The following ZNF410 variants were observed in gnomAD, a reference collection of about 807,000 sequenced individuals.
ZNF410 encodes the protein zinc finger protein 410, also known as another partner for ARF 1.
In ZNF410, 18 loss-of-function variants were observed where a neutral mutation model predicts 54.8. That is an observed-to-expected ratio of 0.33 (90% CI 0.23 to 0.49). The LOEUF is 0.49. Among genes scored for constraint, ZNF410 ranks in the 20% least tolerant of loss-of-function variants. The pLI, the probability that ZNF410 is intolerant of heterozygous loss-of-function variation, is 0.99. For synonymous variants in ZNF410, 191 were observed against 207.3 expected (o/e 0.92, Z 0.68); for missense variants, 405 against 569.6 (o/e 0.71, Z 2.94).
At chr14:73,930,961 G>A (rs186798929) in intron 11 of ZNF410, among the ~76,000 whole-genome samples, 2 of 152,266 alleles carry the variant, frequency 1.3e-5, no homozygotes, top group African/African-American at 4.8e-5. Context: ...CCTTTGAATA[G>A]AGCCTTGTGT....
rs1206064406 is a variant in ZNF410 at position 73,897,994 on chromosome 14, A to G, written c.389-77A>G. 9 of 979,134 alleles carry G rather than the reference A, an allele frequency of 9.2e-6. No individual in the cohort carries two copies. The South Asian group carries it at 1.2e-4, about 13-fold the overall frequency. 60.7% of individuals were successfully genotyped at this position (979,134 alleles called of 1,614,324 possible). A position where few individuals can be genotyped will look rare whatever the true frequency, so the allele number is the denominator to read the frequency against. On this transcript the variant is annotated intron_variant, in intron 4 of 11. Coordinates refer to ENST00000555044, the MANE Select transcript of ZNF410 (RefSeq NM_021188.3). The stretch of plus-strand genomic sequence containing the variant: ...CTCAAAAAAAAAAAAAAAAAAAGGG[A>G]CATGGAGAGTCTCTGAGCCAGGGCA...
At chr14:73,909,641 T>G in intron 8 of ZNF410, 6 of 464,598 alleles carry the variant, frequency 1.3e-5, no homozygotes, top group East Asian at 3.6e-5. Flanking sequence ...TTTTCAGCTG[T>G]GTTTCTAATA....
At chr14:73,912,840 C>A (rs1200888395) in intron 8 of ZNF410, among the ~76,000 whole-genome samples, 1 of 150,298 alleles carries the variant, frequency 6.7e-6, no homozygotes, top group East Asian at 1.9e-4. Flanking sequence ...GATCTTGCAA[C>A]CTTGGTAAAT....
At chr14:73,929,495 A>G (rs1331925551) in intron 11 of ZNF410, among the ~76,000 whole-genome samples, 3 of 152,154 alleles carry the variant, frequency 2.0e-5, no homozygotes, top group Non-Finnish European at 4.4e-5. Flanking sequence ...TCCTGTAAAT[A>G]TGCTCTAAAA....
At chr14:73,912,801 T>C (rs1157959231) in intron 8 of ZNF410, among the ~76,000 whole-genome samples, 2 of 152,230 alleles carry the variant, frequency 1.3e-5, no homozygotes, top group Non-Finnish European at 2.9e-5. Flanking sequence ...ATTGGTAGTA[T>C]ATAGAAATAC....
At chr14:73,889,348 AT>A (rs1315829271) in intron 1 of ZNF410, among the ~76,000 whole-genome samples, 1 of 144,692 alleles carries the variant, frequency 6.9e-6, no homozygotes, top group Non-Finnish European at 1.5e-5. Context: ...TAATTGAAAA[AT>A]TTTTTTTTGT....
rs544602291 is a variant in ZNF410 at position 73,893,588 on chromosome 14, G to T, written c.34-209G>T. Reference sequence around the variant, plus strand: ...CTATATGTGGTCTGTTAACTGAAATGTCGTTTTGCAGCACATGACTTTATA... The same window carrying T: ...CTATATGTGGTCTGTTAACTGAAATTTCGTTTTGCAGCACATGACTTTATA... On this transcript the variant is annotated intron_variant, in intron 2 of 11. Coordinates refer to ENST00000555044, the MANE Select transcript of ZNF410 (RefSeq NM_021188.3). 4.2e-5 allele frequency: 20 copies of T among 472,922 alleles called. 1 individual carries two copies. The East Asian group carries it at 4.2e-4, about 10-fold the overall frequency. The allele number at this position is 472,922 out of a possible 1,614,324, so 29.3% of individuals were successfully genotyped here. A position where few individuals can be genotyped will look rare whatever the true frequency, so the allele number is the denominator to read the frequency against.
At chr14:73,926,852 T>G (rs1056487588) in intron 11 of ZNF410, among the ~76,000 whole-genome samples, 17 of 152,198 alleles carry the variant, frequency 1.1e-4, no homozygotes, top group African/African-American at 3.9e-4. Context: ...GTAGTTACAT[T>G]TAGAGGTTTG....
chr14:73,917,267 A>C (rs2055681568), intron 8 of ZNF410, among the ~76,000 whole-genome samples: 1 of 152,184 alleles, frequency 6.6e-6, no homozygotes, highest in African/African-American at 2.4e-5. Context: ...TCTTAGAATA[A>C]TACTATGTTT....
At position 73,898,271 on chromosome 14, in the gene ZNF410, C is replaced by G; in HGVS notation, c.580+9C>G. ...AAAAACCAGCAGCAATGGTGAGGCC[C>G]GTCGGCATTTTCCTTGCCACTATTC... On this transcript the variant is annotated intron_variant, in intron 5 of 11. Transcript: ENST00000555044. 1 of 1,613,874 alleles carries G rather than the reference C, an allele frequency of 6.2e-7. No homozygotes were observed.
chr14:73,921,691 G>A (rs2055757048), intron 9 of ZNF410, among the ~76,000 whole-genome samples: 1 of 152,020 alleles, frequency 6.6e-6, no homozygotes, highest in Non-Finnish European at 1.5e-5. Flanking sequence ...TGGCCAGGCT[G>A]GAAGCATATT....
intron 8 of ZNF410, 61 bp from the exon 9 acceptor site, chr14:73,920,919 T>G: frequency 6.2e-7 from 1 of 1,604,078 alleles, no homozygotes; most frequent in Non-Finnish European, 8.5e-7. Context: ...TCCATCTAGG[T>G]CTTGAGTTCA....
chr14:73,912,010 A>G (rs2055587446), intron 8 of ZNF410, among the ~76,000 whole-genome samples: 1 of 152,092 alleles, frequency 6.6e-6, no homozygotes, highest in South Asian at 2.1e-4. Context: ...AAAAGCTTCA[A>G]AGTTTGGAAG....
In ZNF410 at chr14:73,900,263, G is replaced by T. The variant is rs115405888; in HGVS notation, c.580+2001G>T. 4.4e-3 allele frequency among the ~76,000 whole-genome samples: 659 copies of T among 150,918 alleles called. 6 individuals carry two copies. Among genetic ancestry groups the T allele is most frequent in the African/African-American group, 0.016 (638 of 41,050 alleles). On this transcript the variant is annotated intron_variant, in intron 5 of 11. Transcript: ENST00000555044. Reference sequence around the variant, plus strand: ...TTTCCAACAAGATAATACCCTAAAAGCCTTTTATTTTTTTCTAACTTAGTT... The same window carrying T: ...TTTCCAACAAGATAATACCCTAAAATCCTTTTATTTTTTTCTAACTTAGTT...
At chr14:73,929,365 G>A (rs2055878217) in intron 11 of ZNF410, among the ~76,000 whole-genome samples, 1 of 151,996 alleles carries the variant, frequency 6.6e-6, no homozygotes, top group Admixed American at 6.6e-5. Flanking sequence ...GAGGAATGTT[G>A]ATTCCTTAAG....
chr14:73,890,291 C>A (rs1466436782), intron 1 of ZNF410, among the ~76,000 whole-genome samples: 1 of 151,698 alleles, frequency 6.6e-6, no homozygotes, highest in Non-Finnish European at 1.5e-5. Context: ...CGGGTTCAAG[C>A]GATTCTCCTG....
At chr14:73,905,301 T>C in intron 7 of ZNF410, 1 of 451,638 alleles carries the variant, frequency 2.2e-6, no homozygotes, top group Non-Finnish European at 3.8e-6. Context: ...TGATTTCTGT[T>C]TTCAGGAGCC....
At chr14:73,901,866 C>T (rs1163566671) in intron 5 of ZNF410, among the ~76,000 whole-genome samples, 17 of 147,972 alleles carry the variant, frequency 1.1e-4, no homozygotes, top group Non-Finnish European at 8.9e-5. Context: ...TTGGGGAGGT[C>T]GAGGCTGCAG....
Position 73,931,939 on chromosome 14 carries a change from C to CA in ZNF410, c.*400dup. The CA allele has an allele frequency of 2.2e-6, 1 of 457,228 alleles. No homozygotes were observed. The highest frequency in any genetic ancestry group is 4.4e-6 in the Non-Finnish European group (1 of 227,488). The allele number at this position is 457,228 out of a possible 1,614,324, so 28.3% of individuals were successfully genotyped here. ...ACATGGATGAAATAATTCCTGCTAC[C>CA]AACAACAGAGCTTCACCAGGAAGTT... On this transcript the variant is annotated 3_prime_UTR_variant, in exon 12 of 12. Coordinates refer to ENST00000555044, the MANE Select transcript of ZNF410 (RefSeq NM_021188.3).
Sources: gnomAD v4.1 joint callset for allele counts (sites outside exome capture counted in the v4.1 genomes callset) on GRCh38, gnomAD v4.1.1 for gene constraint, MANE v1.5 for transcripts, NCBI Gene and HGNC (gene_info 2026-07-23, HGNC 2026-07-21) for gene names.